The following ITPR1 variants were observed in gnomAD, a reference collection of about 807,000 sequenced individuals.
ITPR1 encodes the protein inositol 1,4,5-trisphosphate-gated calcium channel ITPR1.
A neutral mutation model predicts 318.4 loss-of-function variants in ITPR1; 96 were observed. The ratio of observed to expected loss-of-function variants is 0.30; its 90% CI spans 0.26 to 0.36. The LOEUF is 0.36. Ranked by LOEUF, ITPR1 falls within the 10% of genes least tolerant of loss-of-function variation. The pLI is 1.00. For missense variants in ITPR1, 2,440 were observed against 3,460.2 expected, an observed-to-expected ratio of 0.71 and a Z score of 7.40; for synonymous variants, 1,312 against 1,289.9, an observed-to-expected ratio of 1.02 and a Z score of -0.37.
chr3:4,692,369 C>T (rs1218722689), intron 32 of ITPR1, among the ~76,000 whole-genome samples: 1 of 152,194 alleles, frequency 6.6e-6, no homozygotes, highest in South Asian at 2.1e-4. Flanking sequence ...GCCGGTCATA[C>T]TCTAGGCACA....
At chr3:4,793,381 G>A (rs1377952422) in intron 52 of ITPR1, among the ~76,000 whole-genome samples, 1 of 152,140 alleles carries the variant, frequency 6.6e-6, no homozygotes, top group Non-Finnish European at 1.5e-5. Context: ...TTTGTTTTAT[G>A]AGCTTTTTAT....
Position 4,733,163 on chromosome 3 carries a change from A to T in ITPR1, c.5296A>T (p.Thr1766Ser), listed in dbSNP as rs1189863201. Residue 1766 changes from threonine to serine, a missense_variant, in exon 43 of 62, where the codon ACC (threonine) becomes TCC (serine). Around this residue, in one of 23 missense-constraint regions of ITPR1, gnomAD observed 166 missense variants for 143.7 expected, o/e 1.16. Coordinates refer to ENST00000649015, the MANE Select transcript of ITPR1 (RefSeq NM_001378452.1). ...ACCTTCGGGACGAAGAGAGAGCCTT[A>T]CCAGCTTTGGCAATGGCCCACTGTC... Reference protein sequence around the residue: ...VRPSGRRESLTSFGNGPLSAG... With the variant: ...VRPSGRRESLSSFGNGPLSAG... 2.5e-6 allele frequency: 4 copies of T among 1,614,038 alleles called. No homozygotes were observed. In the Admixed American group the frequency reaches 6.7e-5, roughly 27 times the overall value.
chr3:4,817,718 C>T (rs1032658200), intron 59 of ITPR1, among the ~76,000 whole-genome samples: 1 of 152,254 alleles, frequency 6.6e-6, no homozygotes, highest in African/African-American at 2.4e-5. Flanking sequence ...GAAGGGACTT[C>T]ACATTCCCTG....
rs776244565 is a variant in ITPR1 at position 4,717,789 on chromosome 3, T to G, written c.5136+390T>G. On this transcript the variant is annotated intron_variant, in intron 40 of 61. Transcript: ENST00000649015. Reference sequence around the variant, plus strand: ...TCTGATACAAAACGATACAACAGCATTGGTATAATTTGAAAGTAGTAAAAA... The same window carrying G: ...TCTGATACAAAACGATACAACAGCAGTGGTATAATTTGAAAGTAGTAAAAA... Among the ~76,000 whole-genome samples, 36 of 152,308 alleles carry G rather than the reference T, an allele frequency of 2.4e-4. 1 individual carries two copies. Among genetic ancestry groups the G allele is most frequent in the Admixed American group, 3.3e-4 (5 of 15,304 alleles).
intron 2 of ITPR1, among the ~76,000 whole-genome samples, chr3:4,496,494 G>T (rs2080582175): frequency 2.0e-5 from 3 of 152,320 alleles, no homozygotes; most frequent in Non-Finnish European, 1.5e-5. Flanking sequence ...AGTCATTTGG[G>T]GTTGACAATG....
At chr3:4,499,992 T>C (rs557492222) in intron 2 of ITPR1, among the ~76,000 whole-genome samples, 3 of 152,314 alleles carry the variant, frequency 2.0e-5, no homozygotes, top group African/African-American at 4.8e-5. Flanking sequence ...CACCCCTTGA[T>C]GCTCACTACC....
intron 48 of ITPR1, among the ~76,000 whole-genome samples, chr3:4,778,667 G>A (rs1010942151): frequency 3.3e-5 from 5 of 152,138 alleles, no homozygotes; most frequent in Non-Finnish European, 7.4e-5. Context: ...CAGAAAGTCC[G>A]AAATAAACAG....
intron 44 of ITPR1, among the ~76,000 whole-genome samples, chr3:4,752,463 C>T (rs2044611037): frequency 6.6e-6 from 1 of 152,176 alleles, no homozygotes; most frequent in African/African-American, 2.4e-5. Flanking sequence ...ACCGGATAAG[C>T]CCGTAGAGGT....
intron 44 of ITPR1, among the ~76,000 whole-genome samples, chr3:4,763,145 G>A (rs564508801): frequency 1.3e-5 from 2 of 152,272 alleles, no homozygotes; most frequent in South Asian, 4.2e-4. Context: ...AGTATGAGCT[G>A]AACAATGAGA....
rs900015907 is a variant in ITPR1, at chr3:4,809,185, T to C, written c.7273-2080T>C. On this transcript the variant is annotated intron_variant, in intron 55 of 61. Coordinates refer to ENST00000649015, the MANE Select transcript of ITPR1 (RefSeq NM_001378452.1). ...GTGGTGAATGTAAACTGATCCTGCCTTTCTGAAAGCAGCAGGCAAAATGTT... is the reference window on the plus strand; with the variant it reads ...GTGGTGAATGTAAACTGATCCTGCCCTTCTGAAAGCAGCAGGCAAAATGTT... Among the ~76,000 whole-genome samples the C allele has an allele frequency of 2.0e-5, 3 of 152,320 alleles. No individual in the cohort carries two copies. In the East Asian group the frequency reaches 5.8e-4, roughly 29 times the overall value.
At chr3:4,680,111 G>A (rs1398833791) in intron 24 of ITPR1, among the ~76,000 whole-genome samples, 2 of 152,196 alleles carry the variant, frequency 1.3e-5, no homozygotes, top group African/African-American at 2.4e-5. Flanking sequence ...CCAGAAACAG[G>A]AAATAGGAAC....
intron 44 of ITPR1, among the ~76,000 whole-genome samples, chr3:4,741,838 T>C (rs2043729240): frequency 6.6e-6 from 1 of 152,116 alleles, no homozygotes; most frequent in South Asian, 2.1e-4. Flanking sequence ...GGGTGTTGTT[T>C]TTGGCAGGGA....
At chr3:4,622,647 T>C (rs1027273186) in intron 4 of ITPR1, among the ~76,000 whole-genome samples, 3 of 152,156 alleles carry the variant, frequency 2.0e-5, no homozygotes, top group African/African-American at 7.2e-5. Flanking sequence ...TCTCTTGACC[T>C]CGTGATCCTC....
chr3:4,502,730 C>T (rs771371944), intron 2 of ITPR1, among the ~76,000 whole-genome samples: 60 of 151,918 alleles, frequency 3.9e-4, no homozygotes, highest in Non-Finnish European at 6.8e-4. Flanking sequence ...TGATCCACTG[C>T]GCCTGGCCCC....
rs1032457783 is a variant in ITPR1, at chr3:4,706,116, G to A, written c.4658-51G>A. 1.9e-6 allele frequency: 3 copies of A among 1,599,464 alleles called. No homozygotes were observed. The African/African-American group carries it at 4.0e-5, about 21-fold the overall frequency. The stretch of plus-strand genomic sequence containing the variant: ...ACTAGGGCATTACGTCCATCTGTAG[G>A]GTGTCCCCCATAAAAGTTGTAGGCT... On this transcript the variant is annotated intron_variant, in intron 36 of 61. Transcript: ENST00000649015.
chr3:4,683,408 T>C lies in ITPR1; in HGVS notation c.3184T>C (p.Leu1062=). ...TAGTGAGGAGAACACCCCACTGGAC[T>C]TGGATGACCACGGCGGCAGAACCTT... ...GGSEENTPLD[L]DDHGGRTFLR... is the part of the protein sequence containing the mutation. The change falls in exon 27 of 62, where the codon TTG becomes CTG. Residue 1062 remains leucine (L), a synonymous_variant. Coordinates refer to ENST00000649015, the MANE Select transcript of ITPR1 (RefSeq NM_001378452.1). The C allele has an allele frequency of 6.2e-7, 1 of 1,614,072 alleles. No individual in the cohort carries two copies. The highest frequency in any genetic ancestry group is 8.5e-7 in the Non-Finnish European group (1 of 1,179,896).
chr3:4,754,312 C>G (rs1458140416), intron 44 of ITPR1, among the ~76,000 whole-genome samples: 2 of 152,182 alleles, frequency 1.3e-5, no homozygotes, highest in Non-Finnish European at 2.9e-5. Flanking sequence ...GCCAGGTCCT[C>G]AGCACTGGAC....
chr3:4,808,250 C>T (rs974999974), intron 55 of ITPR1, among the ~76,000 whole-genome samples: 5 of 152,222 alleles, frequency 3.3e-5, no homozygotes, highest in African/African-American at 1.2e-4. Context: ...CTTCCAATTA[C>T]ACCTGAGGAA....
chr3:4,614,674 C>T (rs1413992019), intron 4 of ITPR1, among the ~76,000 whole-genome samples: 1 of 152,190 alleles, frequency 6.6e-6, no homozygotes, highest in African/African-American at 2.4e-5. Context: ...AGACGCATGA[C>T]ATGCAACTTG....
Sources: gnomAD v4.1 joint callset for allele counts (sites outside exome capture counted in the v4.1 genomes callset) on GRCh38, gnomAD v4.1.1 for gene constraint, gnomAD v4.1.1 regional missense constraint, MANE v1.5 for transcripts, NCBI Gene and HGNC (gene_info 2026-07-23, HGNC 2026-07-21) for gene names.